Variants in ACSL3 observed in about 807,000 individuals in gnomAD.
ACSL3 encodes acyl-CoA synthetase long chain family member 3, also known as fatty acid CoA ligase Acsl3.
In ACSL3, 34 loss-of-function variants were observed where a neutral mutation model predicts 84.7. The ratio of observed to expected loss-of-function variants is 0.40; its 90% CI spans 0.31 to 0.53. The LOEUF (loss-of-function observed/expected upper bound fraction) is 0.53, where lower values mean the gene tolerates loss of function less well. Among genes scored for constraint, ACSL3 ranks in the 20% least tolerant of loss-of-function variants. The pLI, the probability that ACSL3 is intolerant of heterozygous loss-of-function variation, is 0.48. For synonymous variants in ACSL3, 315 were observed against 299.4 expected (o/e 1.05, Z -0.54); for missense variants, 680 against 873.1 (o/e 0.78, Z 2.79).
chr2:222,862,118 A>G (rs1018944307), intron 1 of ACSL3, among the ~76,000 whole-genome samples: 3 of 152,240 alleles, frequency 2.0e-5, no homozygotes, highest in Non-Finnish European at 4.4e-5. Context: ...TGTGAACGAA[A>G]TTATAGCTGA....
At chr2:222,913,426 T>C (rs1696495070) in intron 4 of ACSL3, among the ~76,000 whole-genome samples, 1 of 152,218 alleles carries the variant, frequency 6.6e-6, no homozygotes, top group African/African-American at 2.4e-5. Context: ...TTGGTTATTA[T>C]ATTACTCTTC....
At chr2:222,893,968 C>T (rs996805262) in intron 2 of ACSL3, among the ~76,000 whole-genome samples, 1 of 152,146 alleles carries the variant, frequency 6.6e-6, no homozygotes, top group Non-Finnish European at 1.5e-5. Flanking sequence ...GTAGCTGGGA[C>T]TACAGTCATG....
At chr2:222,879,488 G>A (rs910964144) in intron 1 of ACSL3, among the ~76,000 whole-genome samples, 1 of 152,108 alleles carries the variant, frequency 6.6e-6, no homozygotes, top group African/African-American at 2.4e-5. Flanking sequence ...CTCCCTGTTA[G>A]GCAGGAGTGA....
intron 14 of ACSL3, among the ~76,000 whole-genome samples, chr2:222,932,429 C>T (rs1042933214): frequency 2.6e-5 from 4 of 152,118 alleles, no homozygotes; most frequent in African/African-American, 7.2e-5. Flanking sequence ...CCTGGGTTCA[C>T]GCAATTCTCC....
At chr2:222,889,563 C>G (rs1695797193) in intron 2 of ACSL3, among the ~76,000 whole-genome samples, 3 of 152,062 alleles carry the variant, frequency 2.0e-5, no homozygotes, top group Non-Finnish European at 4.4e-5. Flanking sequence ...TGTACGTGTC[C>G]TTTGTGTGAT....
At chr2:222,935,837 TAA>T (rs1357654739) in intron 16 of ACSL3, among the ~76,000 whole-genome samples, 1 of 150,692 alleles carries the variant, frequency 6.6e-6, no homozygotes, top group East Asian at 1.9e-4. Flanking sequence ...TCAGTAATGT[TAA>T]GTGTATTTAC....
chr2:222,907,345 C>A (rs906589661), intron 3 of ACSL3, among the ~76,000 whole-genome samples: 2 of 152,202 alleles, frequency 1.3e-5, no homozygotes, highest in Non-Finnish European at 2.9e-5. Flanking sequence ...ATTTCTGCAA[C>A]ACAGAGCTAG....
chr2:222,939,016 G>T (rs1401839112), intron 16 of ACSL3, among the ~76,000 whole-genome samples: 17 of 150,936 alleles, frequency 1.1e-4, no homozygotes, highest in African/African-American at 4.1e-4. Context: ...TTGTTTTCTT[G>T]TTTTTTTTCA....
chr2:222,876,358 C>G lies in ACSL3; in HGVS notation c.-206-11472C>G, dbSNP rs916562719. Among the ~76,000 whole-genome samples, 3 of 151,950 alleles carry G rather than the reference C, an allele frequency of 2.0e-5. No homozygotes were observed. In the South Asian group the frequency reaches 6.2e-4, roughly 31 times the overall value. On this transcript the variant is annotated intron_variant, in intron 1 of 16. Transcript: ENST00000357430. Reference sequence around the variant, plus strand: ...TTTGTTTTTTTTTGAGACAGAATCTCAGTCCTAGGCTGAAGTGCCATGGCA... The same window carrying G: ...TTTGTTTTTTTTTGAGACAGAATCTGAGTCCTAGGCTGAAGTGCCATGGCA...
chr2:222,912,757 G>C (rs1340026163), intron 4 of ACSL3, among the ~76,000 whole-genome samples: 1 of 152,210 alleles, frequency 6.6e-6, no homozygotes, highest in African/African-American at 2.4e-5. Flanking sequence ...GTCCAAGGTA[G>C]AGTAGCCACC....
rs1296019861 is a variant in ACSL3, at chr2:222,895,523, G to A, written c.-147-5151G>A. Among the ~76,000 whole-genome samples, 104 of 3,810 alleles carry A rather than the reference G, an allele frequency of 0.027. 42 individuals are homozygous for A. The African/African-American group carries it at 0.34, about 13-fold the overall frequency. 2.5% of individuals were successfully genotyped at this position (3,810 alleles called of 152,430 possible). On this transcript the variant is annotated intron_variant, in intron 2 of 16. Transcript: ENST00000357430. ...TATTGATCATTCTTGGGTGTTTCTC[G>A]CAGAAGGGGATTTGGCAGGGTCATA...
chr2:222,880,807 G>A (rs1304392557), intron 1 of ACSL3, among the ~76,000 whole-genome samples: 6 of 148,626 alleles, frequency 4.0e-5, no homozygotes, highest in Admixed American at 6.7e-5. Flanking sequence ...TCCAGCCTGG[G>A]TGACAGAGCG....
In ACSL3 at chr2:222,944,552, G is replaced by GAGCT. The variant is rs1383738371; in HGVS notation, c.*2900_*2903dup. The GAGCT allele has an allele frequency of 6.6e-6, 1 of 151,674 alleles. No individual in the cohort carries two copies. Among genetic ancestry groups the GAGCT allele is most frequent in the African/African-American group, 2.4e-5 (1 of 41,324 alleles). The allele number at this position is 151,674 out of a possible 1,614,324, so 9.4% of individuals were successfully genotyped here. On this transcript the variant is annotated 3_prime_UTR_variant, in exon 17 of 17. Transcript: ENST00000357430. ...TCTGCCTGAAGACGTGTATCATAAA[G>GAGCT]AGCTACATGGTATGGACTATTTATT...
intron 1 of ACSL3, among the ~76,000 whole-genome samples, chr2:222,864,605 C>T (rs896096211): frequency 5.3e-5 from 8 of 152,242 alleles, no homozygotes; most frequent in African/African-American, 1.9e-4. Context: ...GAAAGAGATG[C>T]TGATCTGCAG....
chr2:222,909,785 T>C (rs1559292440), intron 4 of ACSL3: 3 of 152,378 alleles, frequency 2.0e-5, no homozygotes, highest in Non-Finnish European at 4.4e-5. Context: ...AATATGAAGA[T>C]AATGATCATT....
chr2:222,906,516 A>G (rs1469236029), intron 3 of ACSL3, among the ~76,000 whole-genome samples: 2 of 152,110 alleles, frequency 1.3e-5, no homozygotes, highest in Non-Finnish European at 2.9e-5. Context: ...TTGTCATGTC[A>G]AAAAGGAGGA....
intron 1 of ACSL3, among the ~76,000 whole-genome samples, chr2:222,872,154 C>T (rs545452596): frequency 5.9e-5 from 9 of 152,126 alleles, no homozygotes; most frequent in Non-Finnish European, 8.8e-5. Context: ...GACGGAGTTT[C>T]GCTCTTGTTG....
Position 222,935,366 on chromosome 2 carries a change from T to A in ACSL3, c.2005+679T>A, listed in dbSNP as rs531926416. Among the ~76,000 whole-genome samples, 28 of 152,092 alleles carry A rather than the reference T, an allele frequency of 1.8e-4. No individual in the cohort carries two copies. In the East Asian group the frequency reaches 3.1e-3, roughly 17 times the overall value. ...ACTATGCCTAGCTAATTAAAAAAAATTTTTTTGTTGTTTTGTTTTGTTGTT... is the reference window on the plus strand; with the variant it reads ...ACTATGCCTAGCTAATTAAAAAAAAATTTTTTGTTGTTTTGTTTTGTTGTT... On this transcript the variant is annotated intron_variant, in intron 16 of 16. Coordinates refer to ENST00000357430, the MANE Select transcript of ACSL3 (RefSeq NM_004457.5).
chr2:222,910,126 C>T (rs1265080248), intron 4 of ACSL3, among the ~76,000 whole-genome samples: 1 of 152,096 alleles, frequency 6.6e-6, no homozygotes, highest in Admixed American at 6.5e-5. Flanking sequence ...TATTAGATTA[C>T]TATTATCTTG....
Sources: gnomAD v4.1 joint callset for allele counts (sites outside exome capture counted in the v4.1 genomes callset) on GRCh38, gnomAD v4.1.1 for gene constraint, MANE v1.5 for transcripts, NCBI Gene and HGNC (gene_info 2026-07-23, HGNC 2026-07-21) for gene names.